Variants in GRM8 observed in about 807,000 individuals in gnomAD.
GRM8 encodes the protein metabotropic glutamate receptor 8.
A neutral mutation model predicts 87.2 loss-of-function variants in GRM8; 47 were observed. The observed-to-expected ratio is 0.54, with a 90% CI of 0.43 to 0.69. GRM8 has a LOEUF of 0.69. Among genes scored for constraint, GRM8 ranks in the 30% least tolerant of loss-of-function variants. The pLI, the probability that GRM8 is intolerant of heterozygous loss-of-function variation, is 0.00. For synonymous variants in GRM8, 396 were observed against 404.5 expected (o/e 0.98, Z 0.25); for missense variants, 1,019 against 1,139.2 (o/e 0.89, Z 1.52).
Position 126,738,172 on chromosome 7 carries a change from A to G in GRM8, c.1357+31693T>C, listed in dbSNP as rs552571352. Reference sequence around the variant, plus strand: ...GCACATACAGTACAAAGACAATAAGAACCTTTTCAGGACAGGTATGATGTG... The same window carrying G: ...GCACATACAGTACAAAGACAATAAGGACCTTTTCAGGACAGGTATGATGTG... On this transcript the variant is annotated intron_variant, in intron 7 of 10. Transcript: ENST00000339582. Among the ~76,000 whole-genome samples, 3 of 152,090 alleles carry G rather than the reference A, an allele frequency of 2.0e-5. No homozygotes were observed. The East Asian group carries it at 5.8e-4, about 29-fold the overall frequency.
At chr7:126,805,711 A>T (rs546509068) in intron 6 of GRM8, among the ~76,000 whole-genome samples, 4 of 152,120 alleles carry the variant, frequency 2.6e-5, no homozygotes, top group African/African-American at 9.6e-5. Context: ...AAGTTTTGTT[A>T]TTGTCTCCCA....
At chr7:127,032,963 C>G (rs906027828) in intron 3 of GRM8, among the ~76,000 whole-genome samples, 1 of 150,850 alleles carries the variant, frequency 6.6e-6, no homozygotes, top group East Asian at 1.9e-4. Flanking sequence ...TTCTAGATAT[C>G]CTTAATCAGT....
chr7:126,858,342 T>C (rs1298537206), intron 6 of GRM8, among the ~76,000 whole-genome samples: 1 of 152,060 alleles, frequency 6.6e-6, no homozygotes, highest in Non-Finnish European at 1.5e-5. Context: ...TACTCCTATT[T>C]CTCTTACAGA....
At chr7:126,915,046 G>T (rs565478051) in intron 3 of GRM8, among the ~76,000 whole-genome samples, 6 of 152,316 alleles carry the variant, frequency 3.9e-5, no homozygotes, top group African/African-American at 1.2e-4. Flanking sequence ...AGGTGGATCG[G>T]GTCTAGGTAG....
chr7:126,636,494 A>G (rs1054733773), intron 7 of GRM8, among the ~76,000 whole-genome samples: 2 of 152,142 alleles, frequency 1.3e-5, no homozygotes, highest in Non-Finnish European at 2.9e-5. Flanking sequence ...AATAATGACA[A>G]TAAAAAAGTC....
chr7:127,117,597 T>C (rs1408695907), intron 2 of GRM8, among the ~76,000 whole-genome samples: 1 of 152,180 alleles, frequency 6.6e-6, no homozygotes, highest in African/African-American at 2.4e-5. Flanking sequence ...TTTTCTTACA[T>C]GAGTACAAAA....
chr7:126,967,973 A>G (rs1810046239), intron 3 of GRM8, among the ~76,000 whole-genome samples: 1 of 152,216 alleles, frequency 6.6e-6, no homozygotes, highest in Non-Finnish European at 1.5e-5. Flanking sequence ...ATCCCAATTC[A>G]TATGTGTGAC....
chr7:127,019,456 TACAG>T (rs1816035792), intron 3 of GRM8, among the ~76,000 whole-genome samples: 1 of 152,094 alleles, frequency 6.6e-6, no homozygotes, highest in Admixed American at 6.6e-5. Flanking sequence ...AGAATTATCT[TACAG>T]TCTGATTCCA....
chr7:127,048,606 C>G (rs1819170039), intron 3 of GRM8, among the ~76,000 whole-genome samples: 1 of 152,146 alleles, frequency 6.6e-6, no homozygotes, highest in Non-Finnish European at 1.5e-5. Context: ...TGCCCTTCTT[C>G]CAGATGCAGA....
intron 7 of GRM8, among the ~76,000 whole-genome samples, chr7:126,624,725 A>T (rs1232790139): frequency 3.1e-5 from 2 of 65,344 alleles, no homozygotes; most frequent in Non-Finnish European, 7.6e-5. Flanking sequence ...TGGCCAAATT[A>T]TTAGTTCAGA....
intron 3 of GRM8, among the ~76,000 whole-genome samples, chr7:127,092,390 T>G (rs961317140): frequency 9.2e-5 from 14 of 152,062 alleles, no homozygotes; most frequent in African/African-American, 3.4e-4. Flanking sequence ...AAATAAACTG[T>G]GAACAGAAAG....
chr7:126,536,929 A>G (rs951631470), intron 8 of GRM8, among the ~76,000 whole-genome samples: 1 of 152,154 alleles, frequency 6.6e-6, no homozygotes, highest in Non-Finnish European at 1.5e-5. Flanking sequence ...CTCTAACCAC[A>G]TGTCGGAAGC....
chr7:126,600,665 C>T (rs1797651776), intron 8 of GRM8, among the ~76,000 whole-genome samples: 2 of 152,116 alleles, frequency 1.3e-5, no homozygotes, highest in Non-Finnish European at 2.9e-5. Flanking sequence ...AGTACTTATT[C>T]TGGGCTTGGC....
intron 3 of GRM8, among the ~76,000 whole-genome samples, chr7:127,092,433 C>T (rs1211476338): frequency 2.6e-5 from 4 of 152,148 alleles, no homozygotes; most frequent in African/African-American, 2.4e-5. Flanking sequence ...CGGTGGCCCA[C>T]GCCTATAATC....
At chr7:127,155,737 T>C (rs1327826054) in intron 2 of GRM8, among the ~76,000 whole-genome samples, 1 of 152,168 alleles carries the variant, frequency 6.6e-6, no homozygotes, top group East Asian at 1.9e-4. Flanking sequence ...AACATGTTTA[T>C]AAAATAAGCA....
intron 6 of GRM8, among the ~76,000 whole-genome samples, chr7:126,821,520 G>T (rs143288490): frequency 6.6e-6 from 1 of 152,208 alleles, no homozygotes; most frequent in African/African-American, 2.4e-5. Flanking sequence ...ATGGTCCCTG[G>T]CATATGATAA....
intron 9 of GRM8, among the ~76,000 whole-genome samples, chr7:126,456,519 TAA>T (rs513): frequency 4.3e-5 from 3 of 69,714 alleles, no homozygotes; most frequent in African/African-American, 1.7e-4. Context: ...AGCAGCAAGC[TAA>T]AAAAAAAAAA....
intron 2 of GRM8, among the ~76,000 whole-genome samples, chr7:127,115,023 C>T (rs1826617293): frequency 6.6e-6 from 1 of 152,128 alleles, no homozygotes; most frequent in Admixed American, 6.6e-5. Context: ...GTTACAGAGT[C>T]ATGAACGGAA....
chr7:127,023,160 T>G (rs1816441629), intron 3 of GRM8, among the ~76,000 whole-genome samples: 1 of 152,088 alleles, frequency 6.6e-6, no homozygotes, highest in African/African-American at 2.4e-5. Flanking sequence ...TAACGGGTTT[T>G]CTCGGCTTTT....
Sources: gnomAD v4.1 joint callset for allele counts (sites outside exome capture counted in the v4.1 genomes callset) on GRCh38, gnomAD v4.1.1 for gene constraint, MANE v1.5 for transcripts, NCBI Gene and HGNC (gene_info 2026-07-23, HGNC 2026-07-21) for gene names.